Variants in WWC2 observed in about 807,000 individuals in gnomAD.
WWC2 encodes the protein WW and C2 domain containing 2, also known as protein WWC2.
WWC2 carries 101 observed loss-of-function variants against 138.5 expected under a neutral mutation model. The observed-to-expected ratio is 0.73, with a 90% CI of 0.62 to 0.86. WWC2 has a LOEUF of 0.86. Ranked by LOEUF, WWC2 falls within the 40% of genes least tolerant of loss-of-function variation. The pLI is 0.00. For missense variants in WWC2, 1,420 were observed against 1,419.4 expected, an observed-to-expected ratio of 1.00 and a Z score of -0.01; for synonymous variants, 558 against 538.4, an observed-to-expected ratio of 1.04 and a Z score of -0.50.
chr4:183,205,452 C>T (rs911916425), intron 2 of WWC2, among the ~76,000 whole-genome samples: 5 of 152,094 alleles, frequency 3.3e-5, no homozygotes, highest in African/African-American at 7.2e-5. Context: ...TTCTACATTT[C>T]GAGATCTGTT....
intron 1 of WWC2, among the ~76,000 whole-genome samples, chr4:183,184,615 TTGCTCCACATCCTTGTCA>T (rs1479554820): frequency 2.6e-5 from 4 of 152,192 alleles, no homozygotes. Flanking sequence ...AGAGTTCCCA[TTGCTCCACATCCTTGTCA>T]ATACTCGTGT....
intron 21 of WWC2, among the ~76,000 whole-genome samples, chr4:183,295,679 T>C (rs1249349079): frequency 6.6e-6 from 1 of 152,164 alleles, no homozygotes; most frequent in Non-Finnish European, 1.5e-5. Context: ...TCTGAAACAG[T>C]TTTCTGCTGT....
intron 1 of WWC2, among the ~76,000 whole-genome samples, chr4:183,155,222 G>GAGTT (rs1733770374): frequency 4.2e-4 from 1 of 2,374 alleles, no homozygotes; most frequent in African/African-American, 4.7e-4. Flanking sequence ...GAGAGAGAGA[G>GAGTT]AGTTAGTTGA....
At position 183,271,242 on chromosome 4, in the gene WWC2, G is replaced by C; in HGVS notation, c.2562+1G>C. On this transcript the variant is annotated splice_donor_variant, in intron 16 of 22. Transcript: ENST00000403733. LOFTEE classifies it high-confidence loss of function. Reference sequence around the variant, plus strand: ...GCCGTTAGTAGATTCTATAGACTTGGTGAGTCAAAATTAGAGTATAATATG... The same window carrying C: ...GCCGTTAGTAGATTCTATAGACTTGCTGAGTCAAAATTAGAGTATAATATG... 6.2e-7 allele frequency: 1 copy of C among 1,600,320 alleles called. No homozygotes were observed. The highest frequency in any genetic ancestry group is 8.5e-7 in the Non-Finnish European group (1 of 1,174,750).
At position 183,282,792 on chromosome 4, in the gene WWC2, A is replaced by T. The variant is rs1394331667; in HGVS notation, c.2769A>T (p.Thr923=). The change falls in exon 18 of 23, where the codon ACA becomes ACT. Residue 923 remains threonine, a synonymous_variant. Coordinates refer to ENST00000403733, the MANE Select transcript of WWC2 (RefSeq NM_024949.6). ...AATTGCCAGAGGACAGTAGCTGTACAGAAGATTTAAGTTCATGCACTAGTG... is the reference window on the plus strand; with the variant it reads ...AATTGCCAGAGGACAGTAGCTGTACTGAAGATTTAAGTTCATGCACTAGTG... The part of the protein sequence containing the change: ...EVKLPEDSSC[T]EDLSSCTSVP... 8 of 1,584,202 alleles carry T rather than the reference A, an allele frequency of 5.0e-6. No homozygotes were observed. The highest frequency in any genetic ancestry group is 1.8e-5 in the Admixed American group (1 of 55,182).
rs1355625474 is a variant in WWC2, at chr4:183,265,674, C to G, written c.2040-14C>G. On this transcript the variant is annotated splice_polypyrimidine_tract_variant and intron_variant, in intron 12 of 22. Coordinates refer to ENST00000403733, the MANE Select transcript of WWC2 (RefSeq NM_024949.6). Reference sequence around the variant, plus strand: ...CCCATTAATTAACTGTTCATCTACTCCCTGTCCATATAGACCTAGTGAAAT... The same window carrying G: ...CCCATTAATTAACTGTTCATCTACTGCCTGTCCATATAGACCTAGTGAAAT... 1 of 1,604,272 alleles carries G rather than the reference C, an allele frequency of 6.2e-7. No homozygotes were observed. Among genetic ancestry groups the G allele is most frequent in the East Asian group, 2.2e-5 (1 of 44,682 alleles).
At position 183,289,515 on chromosome 4, in the gene WWC2, G is replaced by A; in HGVS notation, c.3264G>A (p.Gln1088=). 1 of 1,613,988 alleles carries A rather than the reference G, an allele frequency of 6.2e-7. No individual in the cohort carries two copies. The highest frequency in any genetic ancestry group is 8.5e-7 in the Non-Finnish European group (1 of 1,179,880). ...TRQSRLNDEL[Q]ALRDLRQKLE... ...AGAGCCGCCTCAATGATGAGCTGCA[G>A]GCGCTGAGGGACTTGCGGCAGAAGC... Residue 1088 remains glutamine (Q), a synonymous_variant, in exon 21 of 23, where the codon CAG becomes CAA. Coordinates refer to ENST00000403733, the MANE Select transcript of WWC2 (RefSeq NM_024949.6).
At chr4:183,293,851 A>G (rs946957027) in intron 21 of WWC2, among the ~76,000 whole-genome samples, 3 of 152,182 alleles carry the variant, frequency 2.0e-5, no homozygotes, top group South Asian at 2.1e-4. Flanking sequence ...ATATCAAGAA[A>G]TAAATTTAAC....
chr4:183,235,906 G>A (rs1233499025), intron 4 of WWC2, among the ~76,000 whole-genome samples: 1 of 152,170 alleles, frequency 6.6e-6, no homozygotes, highest in Admixed American at 6.5e-5. Context: ...TTTATCTCAT[G>A]TAATCCAAGT....
chr4:183,119,675 G>A lies in WWC2; in HGVS notation c.131+20053G>A, dbSNP rs530862621. Among the ~76,000 whole-genome samples, 14 of 152,212 alleles carry A rather than the reference G, an allele frequency of 9.2e-5. 2 individuals are homozygous for A. The South Asian group carries it at 2.9e-3, about 32-fold the overall frequency. On this transcript the variant is annotated intron_variant, in intron 1 of 22. Transcript: ENST00000403733. Reference sequence around the variant, plus strand: ...TAAAAATGGACTTTTTTTTGGTTAAGATGTCAGTTTTAAAAACACAGATAT... The same window carrying A: ...TAAAAATGGACTTTTTTTTGGTTAAAATGTCAGTTTTAAAAACACAGATAT...
intron 2 of WWC2, among the ~76,000 whole-genome samples, chr4:183,204,759 C>T (rs1195835999): frequency 6.6e-6 from 1 of 152,194 alleles, no homozygotes; most frequent in Non-Finnish European, 1.5e-5. Flanking sequence ...TCTTCTTGCT[C>T]TGTTGTAACA....
At chr4:183,126,893 T>G (rs1732776307) in intron 1 of WWC2, among the ~76,000 whole-genome samples, 1 of 143,650 alleles carries the variant, frequency 7.0e-6, no homozygotes, top group South Asian at 2.2e-4. Context: ...CATGCCCAGC[T>G]AATTTTTTTT....
At chr4:183,110,239 GTTGT>G (rs1732190737) in intron 1 of WWC2, among the ~76,000 whole-genome samples, 1 of 152,160 alleles carries the variant, frequency 6.6e-6, no homozygotes, top group African/African-American at 2.4e-5. Context: ...AAGTACCATA[GTTGT>G]TTGTTTATAC....
chr4:183,206,905 T>C (rs1483148625), intron 2 of WWC2, among the ~76,000 whole-genome samples: 1 of 152,214 alleles, frequency 6.6e-6, no homozygotes, highest in Non-Finnish European at 1.5e-5. Context: ...GGTAATCTGA[T>C]TCTTTCATTT....
Position 183,265,913 on chromosome 4 carries a change from A to T in WWC2, c.2169A>T (p.Arg723=). The change falls in exon 14 of 23, where the codon CGA becomes CGT. Residue 723 remains arginine (R), a synonymous_variant. Transcript: ENST00000403733. ...SSFMVIIAQL[R]NLHAFLIPHT... ...TCATGGTGATTATAGCACAGCTCCG[A>T]AACCTTCATGCCTTCTTGATACCTC... The T allele has an allele frequency of 6.2e-7, 1 of 1,613,470 alleles. No individual in the cohort carries two copies. Among genetic ancestry groups the T allele is most frequent in the Non-Finnish European group, 8.5e-7 (1 of 1,179,696 alleles).
At chr4:183,311,966 A>G (rs562517568) in intron 21 of WWC2, among the ~76,000 whole-genome samples, 1 of 152,344 alleles carries the variant, frequency 6.6e-6, no homozygotes, top group African/African-American at 2.4e-5. Context: ...AAGATAAATA[A>G]GATGTTGAAA....
intron 9 of WWC2, among the ~76,000 whole-genome samples, chr4:183,257,470 G>T (rs1560870590): frequency 1.3e-5 from 2 of 152,152 alleles, no homozygotes; most frequent in South Asian, 4.1e-4. Context: ...AAGGGGATGT[G>T]GAGCAGATGG....
Position 183,249,950 on chromosome 4 carries a change from G to A in WWC2, c.910G>A (p.Glu304Lys), listed in dbSNP as rs752815142. 42 of 1,613,564 alleles carry A rather than the reference G, an allele frequency of 2.6e-5. No individual in the cohort carries two copies. Among genetic ancestry groups the A allele is most frequent in the Non-Finnish European group, 3.1e-5 (36 of 1,179,780 alleles). ...AGTAAGAAGTAGATCAAATTTAGCT[G>A]AAAAGGTCAGGCTAAGCCTACAGTA... is the stretch of plus-strand genomic sequence containing the variant. Reference protein sequence around the residue: ...IGVRSRSNLAEKVRLSLQYEE... With the variant: ...IGVRSRSNLAKKVRLSLQYEE... Residue 304 changes from glutamate to lysine, a missense_variant, in exon 8 of 23, where the codon GAA (glutamate) becomes AAA (lysine). By Grantham distance (56) the Glu-to-Lys change is moderately conservative. Coordinates refer to ENST00000403733, the MANE Select transcript of WWC2 (RefSeq NM_024949.6).
intron 1 of WWC2, among the ~76,000 whole-genome samples, chr4:183,159,082 A>C (rs1209583313): frequency 1.3e-5 from 2 of 152,152 alleles, no homozygotes; most frequent in African/African-American, 4.8e-5. Context: ...AGCAGATGAA[A>C]ATACCCATAA....
Sources: gnomAD v4.1 joint callset for allele counts (sites outside exome capture counted in the v4.1 genomes callset) on GRCh38, gnomAD v4.1.1 for gene constraint, MANE v1.5 for transcripts, NCBI Gene and HGNC (gene_info 2026-07-23, HGNC 2026-07-21) for gene names.